Variants in NRG1 observed in about 807,000 individuals in gnomAD.
The protein encoded by NRG1 is neuregulin 1, also known as pro-neuregulin-1, membrane-bound isoform.
Under a neutral mutation model 63.8 loss-of-function variants are expected in NRG1, and 18 were observed. That is an observed-to-expected ratio of 0.28 (90% confidence interval 0.19 to 0.42). The LOEUF is 0.42. Among genes scored for constraint, NRG1 ranks in the 10% least tolerant of loss-of-function variants. NRG1 has a pLI of 1.00. For synonymous variants in NRG1, 302 were observed against 301.3 expected (o/e 1.00, Z -0.02); for missense variants, 762 against 814.7 (o/e 0.94, Z 0.79).
intron 5 of NRG1, among the ~76,000 whole-genome samples, chr8:32,653,130 TTTG>T (rs369987646): frequency 0.052 from 7,466 of 143,392 alleles, 244 homozygotes; most frequent in Non-Finnish European, 0.088. Context: ...TTGGTTTTTT[TTTG>T]TTTGTTTGTT....
intron 1 of NRG1, among the ~76,000 whole-genome samples, chr8:32,224,573 C>A (rs374538547): frequency 6.6e-6 from 1 of 152,162 alleles, no homozygotes; most frequent in Admixed American, 6.5e-5. Flanking sequence ...TTTCTCTAAA[C>A]GAACTGTGTA....
intron 3 of NRG1, chr8:32,614,256 C>G (rs1022578732): frequency 6.7e-5 from 23 of 343,696 alleles, no homozygotes; most frequent in African/African-American, 4.2e-4. Flanking sequence ...TCCTCACTGA[C>G]CCAAGTGGAG....
At chr8:32,697,608 G>A (rs1182760393) in intron 5 of NRG1, among the ~76,000 whole-genome samples, 1 of 152,144 alleles carries the variant, frequency 6.6e-6, no homozygotes, top group African/African-American at 2.4e-5. Context: ...CTCTAAAAGA[G>A]AGAACTAATT....
intron 1 of NRG1, among the ~76,000 whole-genome samples, chr8:32,512,104 G>A (rs1235419916): frequency 6.6e-6 from 1 of 152,038 alleles, no homozygotes; most frequent in African/African-American, 2.4e-5. Context: ...GGAGAAGAAA[G>A]AGGTAGGACA....
At chr8:32,020,123 C>A (rs1816203486) in intron 1 of NRG1, among the ~76,000 whole-genome samples, 1 of 152,144 alleles carries the variant, frequency 6.6e-6, no homozygotes, top group Non-Finnish European at 1.5e-5. Context: ...AACAATATAT[C>A]AAGTTCTGCA....
intron 1 of NRG1, among the ~76,000 whole-genome samples, chr8:31,966,595 A>T (rs1806370532): frequency 6.6e-6 from 1 of 152,156 alleles, no homozygotes; most frequent in Admixed American, 6.5e-5. Flanking sequence ...ACTACAATTC[A>T]CTGCACAGTG....
chr8:31,823,330 G>A (rs1824193974), intron 1 of NRG1, among the ~76,000 whole-genome samples: 1 of 151,862 alleles, frequency 6.6e-6, no homozygotes, highest in South Asian at 2.1e-4. Flanking sequence ...TGAAACTTAA[G>A]CACCCATAAG....
At chr8:31,749,595 C>T (rs1409807689) in intron 1 of NRG1, among the ~76,000 whole-genome samples, 1 of 151,534 alleles carries the variant, frequency 6.6e-6, no homozygotes. Flanking sequence ...TCAATTTTTT[C>T]TTTTTCTTTT....
At chr8:32,227,488 C>T (rs1368355683) in intron 1 of NRG1, among the ~76,000 whole-genome samples, 1 of 152,088 alleles carries the variant, frequency 6.6e-6, no homozygotes, top group Non-Finnish European at 1.5e-5. Flanking sequence ...AAGGTCTAGT[C>T]CCAAACTGCA....
intron 1 of NRG1, among the ~76,000 whole-genome samples, chr8:32,000,887 T>A (rs1812811523): frequency 6.6e-6 from 1 of 152,092 alleles, no homozygotes; most frequent in Non-Finnish European, 1.5e-5. Flanking sequence ...ATCATTTGTT[T>A]ATTTTTTTGG....
rs574957311 is a variant in NRG1 at position 31,858,008 on chromosome 8, A to G, written c.37+218577A>G. ...TCTTGAAGCTTATCCTCTTAAAACT[A>G]CAAGTGAAGGGCCAGGCATGGTGGC... On this transcript the variant is annotated intron_variant, in intron 1 of 10. Coordinates refer to the NRG1 transcript ENST00000519301. 2.6e-5 allele frequency among the ~76,000 whole-genome samples: 4 copies of G among 152,306 alleles called. No individual in the cohort carries two copies. The South Asian group carries it at 6.2e-4, about 24-fold the overall frequency.
Position 32,653,458 on chromosome 8 carries a change from C to T in NRG1, c.502+36573C>T, listed in dbSNP as rs529723430. Among the ~76,000 whole-genome samples the T allele has an allele frequency of 2.7e-3, 409 of 152,264 alleles. 1 individual carries two copies. The highest frequency in any genetic ancestry group is 9.6e-3 in the African/African-American group (400 of 41,544). On this transcript the variant is annotated intron_variant, in intron 5 of 11. Coordinates refer to ENST00000356819, the Ensembl canonical transcript of NRG1. ...ATACTGAACACTTGCCCAGCAATGTCCTTTAACTGACAGCAATCCCACCTC... is the reference window on the plus strand; with the variant it reads ...ATACTGAACACTTGCCCAGCAATGTTCTTTAACTGACAGCAATCCCACCTC...
intron 1 of NRG1, among the ~76,000 whole-genome samples, chr8:32,249,271 A>G (rs985735761): frequency 6.6e-6 from 1 of 152,138 alleles, no homozygotes; most frequent in Non-Finnish European, 1.5e-5. Context: ...TCTGGCCAAC[A>G]GGGAAATATT....
intron 1 of NRG1, among the ~76,000 whole-genome samples, chr8:31,778,915 G>A (rs1383195064): frequency 6.6e-6 from 1 of 152,208 alleles, no homozygotes; most frequent in Non-Finnish European, 1.5e-5. Flanking sequence ...GTTGGAAGTT[G>A]ATTTAGAAGA....
At chr8:32,334,735 A>G (rs1006275357) in intron 1 of NRG1, among the ~76,000 whole-genome samples, 5 of 152,222 alleles carry the variant, frequency 3.3e-5, no homozygotes, top group African/African-American at 1.2e-4. Flanking sequence ...GGCCAACAAT[A>G]TAATTGTTGA....
chr8:31,830,250 T>C lies in NRG1; in HGVS notation c.37+190819T>C, dbSNP rs1239425230. 3.3e-5 allele frequency among the ~76,000 whole-genome samples: 5 copies of C among 152,250 alleles called. No homozygotes were observed. The East Asian group carries it at 9.7e-4, about 29-fold the overall frequency. On this transcript the variant is annotated intron_variant, in intron 1 of 10. Coordinates refer to the NRG1 transcript ENST00000519301. ...CAGAGAAGAAAAAGATTGCTTGGCA[T>C]GTCCCAATTTGGTTATTGAAAATTT...
At position 32,100,312 on chromosome 8, in the gene NRG1, A is replaced by C. The variant is rs1563786437; in HGVS notation, c.37+460881A>C. Reference sequence around the variant, plus strand: ...AAACTCAAGACAACATTTATATTGCACTTTACAATACATAAAGCACTTTCA... The same window carrying C: ...AAACTCAAGACAACATTTATATTGCCCTTTACAATACATAAAGCACTTTCA... On this transcript the variant is annotated intron_variant, in intron 1 of 10. Coordinates refer to the NRG1 transcript ENST00000519301. Among the ~76,000 whole-genome samples the C allele has an allele frequency of 1.3e-5, 2 of 152,204 alleles. 1 individual carries two copies. Among genetic ancestry groups the C allele is most frequent in the East Asian group, 3.8e-4 (2 of 5,196 alleles).
chr8:31,862,866 C>T (rs1828595349), intron 1 of NRG1, among the ~76,000 whole-genome samples: 1 of 152,150 alleles, frequency 6.6e-6, no homozygotes, highest in African/African-American at 2.4e-5. Flanking sequence ...TTTGCAGGCA[C>T]TGTGGGGAGC....
chr8:32,616,093 T>G (rs1463952688), intron 4 of NRG1, among the ~76,000 whole-genome samples: 2 of 152,140 alleles, frequency 1.3e-5, no homozygotes, highest in Admixed American at 6.6e-5. Flanking sequence ...CTTTCAATCC[T>G]TCTTTGATAC....
Sources: gnomAD v4.1 joint callset for allele counts (sites outside exome capture counted in the v4.1 genomes callset) on GRCh38, gnomAD v4.1.1 for gene constraint, MANE v1.5 for transcripts, NCBI Gene and HGNC (gene_info 2026-07-23, HGNC 2026-07-21) for gene names.